Variants in ZNRF1 observed in about 807,000 individuals in gnomAD.
The protein encoded by ZNRF1 is zinc and ring finger 1.
Under a neutral mutation model 18.4 loss-of-function variants are expected in ZNRF1, and 3 were observed. That is an observed-to-expected ratio of 0.16 (90% confidence interval 0.07 to 0.42). The LOEUF (loss-of-function observed/expected upper bound fraction) is 0.42. ZNRF1 is among the 10% of genes least tolerant of loss of function. The pLI is 0.99. For missense variants in ZNRF1, 310 were observed against 329.8 expected (o/e 0.94, Z 0.47); for synonymous variants, 157 against 144.2 (o/e 1.09, Z -0.64).
intron 1 of ZNRF1, among the ~76,000 whole-genome samples, chr16:75,077,802 C>T (rs1323167184): frequency 1.3e-5 from 2 of 152,184 alleles, no homozygotes; most frequent in Non-Finnish European, 2.9e-5. Context: ...TTCCTTGGCT[C>T]ATGGTCCCTT....
chr16:75,036,707 G>A (rs2035380428), intron 1 of ZNRF1, among the ~76,000 whole-genome samples: 1 of 151,428 alleles, frequency 6.6e-6, no homozygotes, highest in Admixed American at 6.6e-5. Flanking sequence ...AACTTTAAAT[G>A]TTTAAAAGGG....
At chr16:75,096,024 A>G (rs1176702631) in intron 2 of ZNRF1, among the ~76,000 whole-genome samples, 1 of 145,208 alleles carries the variant, frequency 6.9e-6, no homozygotes, top group African/African-American at 2.6e-5. Context: ...GGGGCAGGCC[A>G]CCTCCTCAAG....
chr16:75,058,364 T>G (rs531597995), intron 1 of ZNRF1, among the ~76,000 whole-genome samples: 3 of 152,278 alleles, frequency 2.0e-5, no homozygotes, highest in East Asian at 3.9e-4. Context: ...TTTTCTACTT[T>G]GGCTTTCAGT....
chr16:75,081,739 C>G (rs933569285), intron 1 of ZNRF1, among the ~76,000 whole-genome samples: 1 of 152,178 alleles, frequency 6.6e-6, no homozygotes, highest in Admixed American at 6.5e-5. Context: ...ATCCTACTGC[C>G]TAGCTTGTAG....
intron 1 of ZNRF1, among the ~76,000 whole-genome samples, chr16:75,040,606 T>G (rs2035433228): frequency 7.3e-6 from 1 of 136,084 alleles, no homozygotes; most frequent in Non-Finnish European, 1.6e-5. Flanking sequence ...GGGTTTTTTT[T>G]TTTTTTTTTT....
At chr16:75,104,961 C>A in intron 3 of ZNRF1, 72 bp downstream of exon 3, 1 of 1,297,924 alleles carries the variant, frequency 7.7e-7, no homozygotes, top group Non-Finnish European at 1.1e-6. Flanking sequence ...TCCAGCCATT[C>A]TGTCTCCTTT....
At chr16:75,005,894 T>G (rs2034911011) in intron 1 of ZNRF1, among the ~76,000 whole-genome samples, 1 of 152,144 alleles carries the variant, frequency 6.6e-6, no homozygotes, top group African/African-American at 2.4e-5. Flanking sequence ...TGGGCAAACA[T>G]CATAGGGTGT....
intron 1 of ZNRF1, among the ~76,000 whole-genome samples, chr16:75,024,735 A>C (rs894362588): frequency 6.6e-6 from 1 of 152,266 alleles, no homozygotes; most frequent in Non-Finnish European, 1.5e-5. Flanking sequence ...AGCAGAAGAC[A>C]ACAGACCTTT....
At chr16:75,031,651 C>T (rs557599511) in intron 1 of ZNRF1, among the ~76,000 whole-genome samples, 48 of 152,174 alleles carry the variant, frequency 3.2e-4, no homozygotes, top group African/African-American at 9.4e-4. Context: ...GGACTACAGG[C>T]GCTTGCCACC....
intron 1 of ZNRF1, among the ~76,000 whole-genome samples, chr16:75,053,921 A>G (rs1030965778): frequency 6.6e-6 from 1 of 152,166 alleles, no homozygotes; most frequent in Non-Finnish European, 1.5e-5. Flanking sequence ...TGGCCACGCA[A>G]GTTCTTTGTT....
intron 2 of ZNRF1, among the ~76,000 whole-genome samples, chr16:75,100,503 A>G (rs1275555635): frequency 6.6e-6 from 1 of 151,916 alleles, no homozygotes; most frequent in Non-Finnish European, 1.5e-5. Context: ...CCCTGAATCC[A>G]TCACCTCCTG....
intron 1 of ZNRF1, among the ~76,000 whole-genome samples, chr16:75,085,554 G>T (rs1302513244): frequency 6.6e-6 from 1 of 152,124 alleles, no homozygotes; most frequent in Admixed American, 6.5e-5. Context: ...ACATAGATGA[G>T]AATTTGCTTG....
intron 1 of ZNRF1, among the ~76,000 whole-genome samples, chr16:75,002,897 A>G (rs2034870988): frequency 6.6e-6 from 1 of 152,120 alleles, no homozygotes; most frequent in African/African-American, 2.4e-5. Flanking sequence ...GGGCTTAGAG[A>G]CCACTCTTAA....
chr16:75,037,066 C>A (rs771603874), intron 1 of ZNRF1, among the ~76,000 whole-genome samples: 1 of 152,148 alleles, frequency 6.6e-6, no homozygotes, highest in African/African-American at 2.4e-5. Context: ...TGGAAATAAA[C>A]TATTTCCATC....
At chr16:75,079,400 A>G (rs1433615725) in intron 1 of ZNRF1, among the ~76,000 whole-genome samples, 4 of 152,218 alleles carry the variant, frequency 2.6e-5, no homozygotes, top group African/African-American at 4.8e-5. Context: ...GAATCACTTG[A>G]ACCAGGGAAG....
chr16:75,061,293 C>A (rs909052152), intron 1 of ZNRF1, among the ~76,000 whole-genome samples: 29 of 152,098 alleles, frequency 1.9e-4, no homozygotes, highest in African/African-American at 6.8e-4. Flanking sequence ...CCCCACCTCC[C>A]CCCACACCCC....
intron 1 of ZNRF1, among the ~76,000 whole-genome samples, chr16:75,058,180 C>G (rs2035692303): frequency 6.7e-6 from 1 of 149,456 alleles, no homozygotes; most frequent in Non-Finnish European, 1.5e-5. Context: ...ACTATGTTGT[C>G]CAGGCTGATC....
chr16:75,050,265 C>T (rs2035576298), intron 1 of ZNRF1, among the ~76,000 whole-genome samples: 1 of 152,306 alleles, frequency 6.6e-6, no homozygotes, highest in Non-Finnish European at 1.5e-5. Context: ...GTGGCTCACT[C>T]CTGTAATCCC....
intron 1 of ZNRF1, among the ~76,000 whole-genome samples, chr16:75,055,750 G>C (rs866044120): frequency 6.6e-6 from 1 of 152,174 alleles, no homozygotes; most frequent in Non-Finnish European, 1.5e-5. Context: ...AGAGATTAAA[G>C]ATCTTTGATT....
Sources: allele counts gnomAD v4.1 joint callset (sites outside exome capture counted in the v4.1 genomes callset), GRCh38; gene constraint gnomAD v4.1.1; transcripts MANE v1.5; gene names NCBI Gene and HGNC (gene_info 2026-07-23, HGNC 2026-07-21).